Variants in NPSR1 observed in about 807,000 individuals in gnomAD.
NPSR1 encodes the protein neuropeptide S receptor 1, also known as neuropeptide S receptor.
In NPSR1, 48 loss-of-function variants were observed where a neutral mutation model predicts 46.9. The observed-to-expected ratio is 1.02, with a 90% CI of 0.81 to 1.30. NPSR1 has a LOEUF of 1.30. NPSR1 is among the 50% of genes most tolerant of loss of function. The pLI, the probability that NPSR1 is intolerant of heterozygous loss-of-function variation, is 0.00. For synonymous variants in NPSR1, 176 were observed against 168.1 expected, an observed-to-expected ratio of 1.05 and a Z score of -0.36; for missense variants, 450 against 449.5, an observed-to-expected ratio of 1.00 and a Z score of -0.01.
At chr7:34,851,948 T>C (rs1017447631), downstream of NPSR1, among the ~76,000 whole-genome samples, 8 of 152,216 alleles carry the variant, frequency 5.3e-5, no homozygotes, top group Admixed American at 3.3e-4. Context: ...GATTCTGGAA[T>C]TGTCATTTCC....
chr7:34,726,794 GA>G (rs1054787950), intron 2 of NPSR1, among the ~76,000 whole-genome samples: 1 of 141,846 alleles, frequency 7.0e-6, no homozygotes, highest in Admixed American at 7.3e-5. Flanking sequence ...TGACATTCTG[GA>G]AAAAAACAAA....
At chr7:34,684,342 G>A (rs939911493) in intron 1 of NPSR1, among the ~76,000 whole-genome samples, 3 of 152,260 alleles carry the variant, frequency 2.0e-5, no homozygotes, top group East Asian at 1.9e-4. Flanking sequence ...GTCTCTTGAC[G>A]TATATTTCCA....
chr7:34,682,348 C>T (rs1203934855), intron 1 of NPSR1, among the ~76,000 whole-genome samples: 1 of 152,150 alleles, frequency 6.6e-6, no homozygotes, highest in Non-Finnish European at 1.5e-5. Context: ...TTGATGGGCT[C>T]TTTCCTGAAC....
At chr7:34,715,919 T>G (rs1297983772) in intron 2 of NPSR1, among the ~76,000 whole-genome samples, 1 of 152,074 alleles carries the variant, frequency 6.6e-6, no homozygotes, top group Non-Finnish European at 1.5e-5. Flanking sequence ...CAGATGGAGT[T>G]CTAGGATGTA....
chr7:34,775,829 T>A (rs975961266), intron 2 of NPSR1, among the ~76,000 whole-genome samples: 1 of 152,260 alleles, frequency 6.6e-6, no homozygotes, highest in African/African-American at 2.4e-5. Flanking sequence ...TTAAGTTGTT[T>A]ATTTAAAGTT....
rs915574150 is a variant in NPSR1 at position 34,769,032 on chromosome 7, G to C, written c.281-9430G>C. Among the ~76,000 whole-genome samples the C allele has an allele frequency of 8.5e-5, 13 of 152,188 alleles. No homozygotes were observed. In the East Asian group the frequency reaches 1.4e-3, roughly 16 times the overall value. Reference sequence around the variant, plus strand: ...GTTAATGAGTTTGGATTTTAACTGGGGTTTCAGGCAATTTACATGTAATGT... The same window carrying C: ...GTTAATGAGTTTGGATTTTAACTGGCGTTTCAGGCAATTTACATGTAATGT... On this transcript the variant is annotated intron_variant, in intron 2 of 8. Coordinates refer to ENST00000360581, the MANE Select transcript of NPSR1 (RefSeq NM_207172.2).
intron 2 of NPSR1, 51 bp downstream of exon 2, chr7:34,684,735 G>A: frequency 7.0e-7 from 1 of 1,428,964 alleles, no homozygotes; most frequent in Middle Eastern, 1.8e-4. Context: ...AAGTCCCTAT[G>A]GCTTCCTGCT....
intron 2 of NPSR1, among the ~76,000 whole-genome samples, chr7:34,778,227 A>C (rs1050753856): frequency 6.6e-6 from 1 of 152,140 alleles, no homozygotes; most frequent in Non-Finnish European, 1.5e-5. Context: ...CTCTTCAGTC[A>C]TTACTGAAAT....
chr7:34,792,655 A>ATATTTATATATATG (rs1787951090), intron 3 of NPSR1, among the ~76,000 whole-genome samples: 1 of 116,110 alleles, frequency 8.6e-6, no homozygotes, highest in African/African-American at 3.7e-5. Context: ...ATATATATGT[A>ATATTTATATATATG]TATATATATT....
At chr7:34,682,305 C>T (rs1792683623) in intron 1 of NPSR1, among the ~76,000 whole-genome samples, 1 of 152,212 alleles carries the variant, frequency 6.6e-6, no homozygotes, top group Non-Finnish European at 1.5e-5. Context: ...ATTTGATGGC[C>T]TTCTGTCATA....
intron 3 of NPSR1, among the ~76,000 whole-genome samples, chr7:34,798,386 T>C (rs1788287100): frequency 6.6e-6 from 1 of 151,896 alleles, no homozygotes; most frequent in Non-Finnish European, 1.5e-5. Context: ...AATACAAAAA[T>C]AGGCCAGATG....
intron 4 of NPSR1, among the ~76,000 whole-genome samples, chr7:34,824,268 G>T (rs1789720363): frequency 6.6e-6 from 1 of 152,082 alleles, no homozygotes; most frequent in South Asian, 2.1e-4. Flanking sequence ...TTTATAAAAA[G>T]GTAAATGAGT....
intron 3 of NPSR1, among the ~76,000 whole-genome samples, chr7:34,789,740 CAAAAAAAAAAA>C (rs751424409): frequency 2.2e-5 from 1 of 45,348 alleles, no homozygotes; most frequent in South Asian, 9.0e-4. Flanking sequence ...TTGCAGTGCG[CAAAAAAAAAAA>C]AAAAAAAAAA....
chr7:34,705,434 C>CAA (rs67782714), intron 2 of NPSR1, among the ~76,000 whole-genome samples: 4 of 111,602 alleles, frequency 3.6e-5, no homozygotes, highest in East Asian at 2.5e-4. Context: ...GACTCCATAT[C>CAA]AAAAAAAAAA....
intron 2 of NPSR1, among the ~76,000 whole-genome samples, chr7:34,772,007 T>C: frequency 6.6e-6 from 1 of 152,242 alleles, no homozygotes; most frequent in East Asian, 1.9e-4. Context: ...TGGGGGATGC[T>C]TTGCGGTAGG....
chr7:34,719,152 C>A (rs1010041242), intron 2 of NPSR1: 1 of 152,290 alleles, frequency 6.6e-6, no homozygotes, highest in Non-Finnish European at 1.5e-5. Flanking sequence ...GGTGACTATG[C>A]CAGGGGTGTG....
intron 4 of NPSR1, among the ~76,000 whole-genome samples, chr7:34,824,077 G>T (rs6960952): frequency 0.035 from 5,309 of 152,230 alleles, 309 homozygotes; most frequent in African/African-American, 0.12. Context: ...AAAAAATTAG[G>T]TTACAAGGTA....
intron 8 of NPSR1, among the ~76,000 whole-genome samples, chr7:34,858,683 G>A (rs1791111484): frequency 6.6e-6 from 1 of 151,782 alleles, no homozygotes; most frequent in Admixed American, 6.6e-5. Context: ...TACATGGATG[G>A]CAGCAGTCAA....
Position 34,778,550 on chromosome 7 carries a change from G to T in NPSR1, c.369G>T (p.Val123=), listed in dbSNP as rs754992389. ...CGGCACCTGACCTGGTTTGCCGAGT[G>T]GTCCGCTATTTGCAGGTATGTCACA... ...DFTAPDLVCR[V]VRYLQVVLLY... The change falls in exon 3 of 9, where the codon GTG becomes GTT. Residue 123 remains valine, a synonymous_variant. Coordinates refer to ENST00000360581, the MANE Select transcript of NPSR1 (RefSeq NM_207172.2). 16 of 1,609,766 alleles carry T rather than the reference G, an allele frequency of 9.9e-6. No homozygotes were observed. The Admixed American group carries it at 2.7e-4, about 27-fold the overall frequency.
Sources: allele counts gnomAD v4.1 joint callset (sites outside exome capture counted in the v4.1 genomes callset), GRCh38; gene constraint gnomAD v4.1.1; transcripts MANE v1.5; gene names NCBI Gene and HGNC (gene_info 2026-07-23, HGNC 2026-07-21).